GNA13: variants seen among roughly 807,000 people sequenced by gnomAD.
GNA13 encodes G protein subunit alpha 13.
Under a neutral mutation model 33.5 loss-of-function variants are expected in GNA13, and 4 were observed. The observed-to-expected ratio is 0.12, with a 90% CI of 0.06 to 0.27. The LOEUF (loss-of-function observed/expected upper bound fraction) is 0.27, where lower values mean the gene tolerates loss of function less well. GNA13 is among the 10% of genes least tolerant of loss of function. GNA13 has a pLI of 1.00. For missense variants in GNA13, 319 were observed against 487.2 expected, an observed-to-expected ratio of 0.65 and a Z score of 3.25; for synonymous variants, 176 against 183.8, an observed-to-expected ratio of 0.96 and a Z score of 0.34.
chr17:65,022,785 AAGTG>A (rs572675526), intron 2 of GNA13, among the ~76,000 whole-genome samples: 11 of 152,378 alleles, frequency 7.2e-5, no homozygotes, highest in Admixed American at 2.0e-4. Context: ...GCCATTTACC[AAGTG>A]AGTGAGTAAC....
At chr17:65,024,267 T>C (rs1040798580) in intron 2 of GNA13, among the ~76,000 whole-genome samples, 2 of 152,108 alleles carry the variant, frequency 1.3e-5, no homozygotes, top group Non-Finnish European at 2.9e-5. Context: ...TAAAAAATCA[T>C]ATGCTCATTT....
rs770161529 is a variant in GNA13 at position 65,031,921 on chromosome 17, A to AGAGAGAGT, written c.511-13619_511-13618insACTCTCTC. ...AAGAGAGAGAGAGAGAGAGAGAGAGAGTGTGTGTGTGTGTGTGTGTGTGTG... is the reference window on the plus strand; with the variant it reads ...AAGAGAGAGAGAGAGAGAGAGAGAGAGAGAGAGTGTGTGTGTGTGTGTGTGTGTGTGTG... On this transcript the variant is annotated intron_variant, in intron 2 of 3. Transcript: ENST00000439174. 1.3e-3 allele frequency among the ~76,000 whole-genome samples: 116 copies of AGAGAGAGT among 91,638 alleles called. 1 individual carries two copies. The highest frequency in any genetic ancestry group is 1.7e-3 in the African/African-American group (35 of 20,502). The allele number at this position is 91,638 out of a possible 152,430, so 60.1% of individuals were successfully genotyped here.
rs1906233646 is a variant in GNA13 at position 65,012,589 on chromosome 17, C to A, written c.*1668G>T. On this transcript the variant is annotated 3_prime_UTR_variant, in exon 4 of 4. Transcript: ENST00000439174. ...TATGGATACAATGATAGTGGAAGTT[C>A]AAATGTGAGAAAAGTCAGGTATGTC... 4.4e-6 allele frequency: 1 copy of A among 225,556 alleles called. No homozygotes were observed. Among genetic ancestry groups the A allele is most frequent in the Non-Finnish European group, 8.8e-6 (1 of 113,358 alleles). 14.0% of individuals were successfully genotyped at this position (225,556 alleles called of 1,614,324 possible).
Position 65,014,356 on chromosome 17 carries a change from G to A in GNA13, c.1035C>T (p.His345=). The part of the protein sequence containing the change: ...RDQQQKPLYH[H]FTTAINTENI... ...TCTCCGTGTTGATAGCAGTGGTGAA[G>A]TGGTGGTATAAGGGCTTCTGTTGCT... The change falls in exon 4 of 4, where the codon CAC becomes CAT. Residue 345 remains histidine, a synonymous_variant. Transcript: ENST00000439174. The surrounding 1 kb of genome is among the most constrained non-coding windows in gnomAD (Gnocchi z 5.3). 1 of 1,613,818 alleles carries A rather than the reference G, an allele frequency of 6.2e-7. No homozygotes were observed. Among genetic ancestry groups the A allele is most frequent in the Non-Finnish European group, 8.5e-7 (1 of 1,179,712 alleles).
At chr17:65,022,773 A>G (rs923694447) in intron 2 of GNA13, among the ~76,000 whole-genome samples, 1 of 152,264 alleles carries the variant, frequency 6.6e-6, no homozygotes, top group African/African-American at 2.4e-5. Flanking sequence ...CAAGCAAGGA[A>G]TGCCATTTAC....
chr17:65,050,431 C>A lies in GNA13; in HGVS notation c.510+3071G>T, dbSNP rs1390831087. ...ATGGAGCATCTCTATGTGTCAGGTG[C>A]TATTAACAATGCTGAAGCCACGCAC... On this transcript the variant is annotated intron_variant, in intron 2 of 3. Coordinates refer to ENST00000439174, the MANE Select transcript of GNA13 (RefSeq NM_006572.6). Among the ~76,000 whole-genome samples the A allele has an allele frequency of 3.9e-5, 6 of 152,140 alleles. No individual in the cohort carries two copies. The East Asian group carries it at 1.2e-3, about 29-fold the overall frequency.
At position 65,014,896 on chromosome 17, in the gene GNA13, T is replaced by C; in HGVS notation, c.562-67A>G. The C allele has an allele frequency of 1.4e-5, 12 of 844,078 alleles. No homozygotes were observed. In the South Asian group the frequency reaches 1.9e-4, roughly 13 times the overall value. 52.3% of individuals were successfully genotyped at this position (844,078 alleles called of 1,614,324 possible). The stretch of plus-strand genomic sequence containing the variant: ...GTAATGCGAATTTTTAATGGACTAC[T>C]AACTGGACTAGTGAATAGATATGCA... On this transcript the variant is annotated intron_variant, in intron 3 of 3. Transcript: ENST00000439174. This position sits in a 1 kb window ranked among gnomAD's most constrained non-coding sequence, Gnocchi z 5.3.
rs756873609 is a variant in GNA13, at chr17:65,013,496, A to G, written c.*761T>C. ...TGTTTCACATATGGTACATTAAACT[A>G]CATGATAATTAAATATGAGAAAGGC... On this transcript the variant is annotated 3_prime_UTR_variant, in exon 4 of 4. Transcript: ENST00000439174. The G allele has an allele frequency of 1.5e-4, 31 of 213,480 alleles. No individual in the cohort carries two copies. Among genetic ancestry groups the G allele is most frequent in the Non-Finnish European group, 2.6e-4 (27 of 105,198 alleles). The allele number at this position is 213,480 out of a possible 1,614,324, so 13.2% of individuals were successfully genotyped here.
At chr17:65,031,888 G>GAGAGAC (rs1309277112) in intron 2 of GNA13, among the ~76,000 whole-genome samples, 4 of 107,088 alleles carry the variant, frequency 3.7e-5, no homozygotes, top group South Asian at 3.4e-4. Flanking sequence ...GAGAGAGAGA[G>GAGAGAC]AGAGAGAAAG....
intron 2 of GNA13, among the ~76,000 whole-genome samples, chr17:65,036,767 C>T (rs917007617): frequency 2.0e-5 from 3 of 152,184 alleles, no homozygotes; most frequent in East Asian, 1.9e-4. Context: ...GTGTCCTTCA[C>T]CTCTGTGGCC....
chr17:65,022,512 T>C (rs1906618519), intron 2 of GNA13, among the ~76,000 whole-genome samples: 2 of 152,252 alleles, frequency 1.3e-5, no homozygotes, highest in East Asian at 3.9e-4. Flanking sequence ...TCAAATTCCA[T>C]GGTAAAGCAT....
chr17:65,028,633 A>G (rs944937796), intron 2 of GNA13, among the ~76,000 whole-genome samples: 2 of 152,116 alleles, frequency 1.3e-5, no homozygotes, highest in Non-Finnish European at 2.9e-5. Context: ...GTGTCATGAG[A>G]GGTATGACTG....
chr17:65,043,771 T>G (rs1157543298), intron 2 of GNA13, among the ~76,000 whole-genome samples: 20 of 152,102 alleles, frequency 1.3e-4, no homozygotes, highest in Non-Finnish European at 2.1e-4. Flanking sequence ...ACTAAAGTAT[T>G]CTGGATCTAC....
At chr17:65,022,164 A>G (rs2143779722) in intron 2 of GNA13, among the ~76,000 whole-genome samples, 1 of 152,340 alleles carries the variant, frequency 6.6e-6, no homozygotes. Flanking sequence ...AAATGATATG[A>G]AATTCGAACT....
chr17:65,026,692 G>A lies in GNA13; in HGVS notation c.511-8389C>T, dbSNP rs778753250. Among the ~76,000 whole-genome samples, 141 of 152,182 alleles carry A rather than the reference G, an allele frequency of 9.3e-4. 1 individual carries two copies. Among genetic ancestry groups the A allele is most frequent in the Admixed American group, 2.7e-3 (41 of 15,286 alleles). Reference sequence around the variant, plus strand: ...CTTTTAAGAAAATTGCATAGAAAATGAGATTACAAGGAAACTCATCAAAAT... The same window carrying A: ...CTTTTAAGAAAATTGCATAGAAAATAAGATTACAAGGAAACTCATCAAAAT... On this transcript the variant is annotated intron_variant, in intron 2 of 3. Transcript: ENST00000439174.
chr17:65,056,258 G>GCCCCCCCCC, intron 1 of GNA13, 53 bp downstream of exon 1: 5 of 574,308 alleles, frequency 8.7e-6, no homozygotes, highest in East Asian at 9.6e-5. Flanking sequence ...CGCACCCGCC[G>GCCCCCCCCC]CCGCCCCAGC....
intron 2 of GNA13, among the ~76,000 whole-genome samples, chr17:65,037,794 A>AAAAAAAAAAAAAC (rs1307183420): frequency 6.7e-6 from 1 of 149,858 alleles, no homozygotes; most frequent in African/African-American, 2.4e-5. Context: ...AAAAAAAAAA[A>AAAAAAAAAAAAAC]AAAAAAGACA....
intron 2 of GNA13, among the ~76,000 whole-genome samples, chr17:65,051,068 A>AC (rs1456710825): frequency 6.6e-6 from 1 of 152,224 alleles, no homozygotes; most frequent in East Asian, 1.9e-4. Flanking sequence ...CAGCTTCCAA[A>AC]TTAAAAAACT....
At chr17:65,034,565 T>A (rs1473635087) in intron 2 of GNA13, among the ~76,000 whole-genome samples, 1 of 152,116 alleles carries the variant, frequency 6.6e-6, no homozygotes, top group African/African-American at 2.4e-5. Flanking sequence ...CCCAAAGTGC[T>A]GGGATTAAAG....
Sources: gnomAD v4.1 joint callset for allele counts (sites outside exome capture counted in the v4.1 genomes callset) on GRCh38, gnomAD v4.1.1 for gene constraint, Gnocchi (gnomAD v3.1) non-coding constraint, MANE v1.5 for transcripts, NCBI Gene and HGNC (gene_info 2026-07-23, HGNC 2026-07-21) for gene names.